The following RALYL variants were observed in gnomAD, a reference collection of about 807,000 sequenced individuals.
The protein encoded by RALYL is RNA-binding Raly-like protein.
Under a neutral mutation model 35.1 loss-of-function variants are expected in RALYL, and 29 were observed. The ratio of observed to expected loss-of-function variants is 0.83; its 90% CI spans 0.61 to 1.13. RALYL has a LOEUF of 1.13. Among genes scored for constraint, RALYL ranks in the 50% most tolerant of loss-of-function variants. The pLI is 0.00. For synonymous variants in RALYL, 120 were observed against 127.6 expected (o/e 0.94, Z 0.40); for missense variants, 359 against 360.4 (o/e 1.00, Z 0.03).
intron 3 of RALYL, among the ~76,000 whole-genome samples, chr8:84,787,168 C>T (rs942302583): frequency 1.3e-5 from 2 of 150,928 alleles, no homozygotes; most frequent in African/African-American, 2.4e-5. Context: ...TAGCCCCCCA[C>T]CCCCAAACAG....
At chr8:84,670,186 G>T (rs569639701) in intron 2 of RALYL, among the ~76,000 whole-genome samples, 1 of 150,662 alleles carries the variant, frequency 6.6e-6, no homozygotes, top group South Asian at 2.1e-4. Flanking sequence ...TGGGATCCTG[G>T]TCATGGACTT....
chr8:84,724,230 C>A (rs10111461), intron 2 of RALYL, among the ~76,000 whole-genome samples: 10,159 of 151,700 alleles, frequency 0.067, 785 homozygotes, highest in African/African-American at 0.19. Context: ...AAGGGTGAAA[C>A]CTCTTTGAAT....
In RALYL at chr8:84,415,684, G is replaced by GT. The variant is rs201398358; in HGVS notation, c.-23-113606dup. ...CACAGATAACATCTAGGAGACACTG[G>GT]TTTTTTTTTCTGGTATATGTAACAA... On this transcript the variant is annotated intron_variant, in intron 1 of 8. Transcript: ENST00000521268. 4.5e-4 allele frequency among the ~76,000 whole-genome samples: 68 copies of GT among 151,150 alleles called. No homozygotes were observed. The East Asian group carries it at 8.9e-3, about 20-fold the overall frequency.
At chr8:84,523,606 C>T (rs1457888055) in intron 1 of RALYL, among the ~76,000 whole-genome samples, 1 of 151,340 alleles carries the variant, frequency 6.6e-6, no homozygotes, top group Non-Finnish European at 1.5e-5. Flanking sequence ...TGCTGGTGTG[C>T]TGCACCCACT....
chr8:84,215,044 T>G (rs1820456082), intron 1 of RALYL, among the ~76,000 whole-genome samples: 2 of 151,902 alleles, frequency 1.3e-5, no homozygotes, highest in Admixed American at 6.5e-5. Flanking sequence ...TACCTGGGAC[T>G]ACAGGCACCC....
chr8:84,920,941 G>A lies in RALYL; in HGVS notation c.*30G>A. 2.2e-6 allele frequency: 3 copies of A among 1,394,464 alleles called. No individual in the cohort carries two copies. The highest frequency in any genetic ancestry group is 2.9e-6 in the Non-Finnish European group (3 of 1,042,990). 86.4% of individuals were successfully genotyped at this position (1,394,464 alleles called of 1,614,324 possible). On this transcript the variant is annotated 3_prime_UTR_variant, in exon 9 of 9. Coordinates refer to ENST00000521268, the MANE Select transcript of RALYL (RefSeq NM_173848.7). ...AAATAACGCATGATGCCACAAAGCA[G>A]AAAAGAGAAACTGTGACAACCCCCA... is the stretch of plus-strand genomic sequence containing the variant.
intron 1 of RALYL, among the ~76,000 whole-genome samples, chr8:84,293,532 T>A (rs1178483180): frequency 6.6e-6 from 1 of 152,150 alleles, no homozygotes; most frequent in Non-Finnish European, 1.5e-5. Flanking sequence ...CTGTGGCCTG[T>A]TTTCTGTATT....
chr8:84,265,483 G>A (rs1485323678), intron 1 of RALYL, among the ~76,000 whole-genome samples: 1 of 152,172 alleles, frequency 6.6e-6, no homozygotes, highest in African/African-American at 2.4e-5. Flanking sequence ...GCCCTCAGCT[G>A]ACAGCCAGGA....
At chr8:84,872,948 A>AT (rs1415815772) in intron 6 of RALYL, 2 of 184,580 alleles carry the variant, frequency 1.1e-5, no homozygotes, top group Admixed American at 6.1e-5. Context: ...CTTCATCTGA[A>AT]TCCCTCTCAC....
intron 1 of RALYL, among the ~76,000 whole-genome samples, chr8:84,202,462 T>C (rs1371167119): frequency 7.0e-6 from 1 of 143,600 alleles, no homozygotes; most frequent in African/African-American, 2.6e-5. Context: ...AACCTCCGCC[T>C]CCCGGGTTCA....
intron 1 of RALYL, among the ~76,000 whole-genome samples, chr8:84,232,529 G>T (rs531724166): frequency 4.6e-5 from 7 of 152,164 alleles, no homozygotes; most frequent in African/African-American, 1.2e-4. Context: ...GTATAACATG[G>T]TGATTATAGT....
chr8:84,414,134 A>G (rs1407424213), intron 1 of RALYL, among the ~76,000 whole-genome samples: 2 of 151,524 alleles, frequency 1.3e-5, no homozygotes, highest in African/African-American at 4.9e-5. Flanking sequence ...GATGAGATTT[A>G]TGATTTTTTT....
intron 4 of RALYL, among the ~76,000 whole-genome samples, chr8:84,840,499 C>T (rs997257472): frequency 7.2e-5 from 11 of 152,200 alleles, no homozygotes; most frequent in African/African-American, 2.7e-4. Flanking sequence ...GACTGGTGTA[C>T]CTGAAAGTGA....
chr8:84,581,469 C>T (rs1406092167), intron 2 of RALYL, among the ~76,000 whole-genome samples: 2 of 152,172 alleles, frequency 1.3e-5, no homozygotes, highest in Admixed American at 6.5e-5. Flanking sequence ...CACCTTATTA[C>T]ACACATAATA....
chr8:84,526,538 A>G (rs1021254201), intron 1 of RALYL, among the ~76,000 whole-genome samples: 3 of 152,218 alleles, frequency 2.0e-5, no homozygotes, highest in Non-Finnish European at 2.9e-5. Flanking sequence ...ACAAGTTTGC[A>G]ATAACTTCTT....
chr8:84,525,595 C>A (rs1169527276), intron 1 of RALYL, among the ~76,000 whole-genome samples: 2 of 151,926 alleles, frequency 1.3e-5, no homozygotes, highest in Non-Finnish European at 2.9e-5. Flanking sequence ...CTTGGAGACT[C>A]CAGATTTATA....
intron 1 of RALYL, among the ~76,000 whole-genome samples, chr8:84,428,106 TCACACACACACACA>T (rs869249552): frequency 1.6e-5 from 2 of 127,340 alleles, no homozygotes; most frequent in East Asian, 2.4e-4. Flanking sequence ...TCTCTCTCTC[TCACACACACACACA>T]CACACACACA....
chr8:84,804,881 C>A, intron 4 of RALYL, 79 bp downstream of exon 4: 1 of 721,298 alleles, frequency 1.4e-6, no homozygotes, highest in Non-Finnish European at 1.9e-6. Context: ...TATTTTCAGT[C>A]ATTTAACATC....
chr8:84,272,575 C>A (rs566503339), intron 1 of RALYL, among the ~76,000 whole-genome samples: 2 of 152,284 alleles, frequency 1.3e-5, no homozygotes, highest in East Asian at 3.9e-4. Context: ...TGACAAATAT[C>A]ATTGTCACAT....
Sources: gnomAD v4.1 joint callset for allele counts (sites outside exome capture counted in the v4.1 genomes callset) on GRCh38, gnomAD v4.1.1 for gene constraint, MANE v1.5 for transcripts, NCBI Gene and HGNC (gene_info 2026-07-23, HGNC 2026-07-21) for gene names.